Variants in SOX6 observed in about 807,000 individuals in gnomAD.
SOX6 encodes the protein transcription factor SOX-6.
A neutral mutation model predicts 97.8 loss-of-function variants in SOX6; 11 were observed. The ratio of observed to expected loss-of-function variants is 0.11; its 90% confidence interval spans 0.07 to 0.19. The LOEUF (loss-of-function observed/expected upper bound fraction) is 0.19, where lower values mean the gene tolerates loss of function less well. SOX6 is among the 10% of genes least tolerant of loss of function. The pLI, the probability that SOX6 is intolerant of heterozygous loss-of-function variation, is 1.00. For missense variants in SOX6, 810 were observed against 1,039.5 expected (o/e 0.78, Z 3.04); for synonymous variants, 360 against 371.4 (o/e 0.97, Z 0.35).
chr11:16,302,993 G>C lies in SOX6; in HGVS notation c.445+15453C>G, dbSNP rs566426395. Among the ~76,000 whole-genome samples the C allele has an allele frequency of 2.0e-5, 3 of 152,110 alleles. No homozygotes were observed. The East Asian group carries it at 5.8e-4, about 29-fold the overall frequency. On this transcript the variant is annotated intron_variant, in intron 3 of 15. Coordinates refer to ENST00000683767, the MANE Select transcript of SOX6 (RefSeq NM_001367873.1). ...CTACTAAAAAACAATATTTATCTCTGTTCATCTTCTTCTACCCTTTTCTCC... is the reference window on the plus strand; with the variant it reads ...CTACTAAAAAACAATATTTATCTCTCTTCATCTTCTTCTACCCTTTTCTCC...
chr11:16,379,770 T>C (rs1044326756), intron 1 of SOX6, among the ~76,000 whole-genome samples: 2 of 152,090 alleles, frequency 1.3e-5, no homozygotes, highest in Non-Finnish European at 2.9e-5. Context: ...ATTACAGATG[T>C]GTGCAAAGAT....
chr11:15,982,231 C>T (rs566509082), intron 15 of SOX6, among the ~76,000 whole-genome samples: 1 of 152,116 alleles, frequency 6.6e-6, no homozygotes, highest in Admixed American at 6.6e-5. Flanking sequence ...TACATCTCAG[C>T]TCGGCCATTT....
intron 2 of SOX6, among the ~76,000 whole-genome samples, chr11:16,733,425 CA>C (rs1271227949): frequency 1.3e-5 from 2 of 152,054 alleles, no homozygotes; most frequent in African/African-American, 4.8e-5. Flanking sequence ...AGGTCCTTTG[CA>C]GGGACATGGA....
intron 9 of SOX6, among the ~76,000 whole-genome samples, chr11:16,082,732 T>C (rs1042251307): frequency 6.6e-6 from 1 of 152,150 alleles, no homozygotes; most frequent in African/African-American, 2.4e-5. Context: ...AGAGATCAAA[T>C]TAAGAGGAAT....
chr11:16,611,478 A>C (rs1210001656), intron 4 of SOX6, among the ~76,000 whole-genome samples: 1 of 152,238 alleles, frequency 6.6e-6, no homozygotes. Flanking sequence ...TAAATGAGAG[A>C]GTGTAAAAGC....
intron 4 of SOX6, among the ~76,000 whole-genome samples, chr11:16,212,697 C>T: frequency 2.6e-5 from 4 of 152,264 alleles, no homozygotes; most frequent in Middle Eastern, 6.8e-3. Flanking sequence ...TAAACTTAGA[C>T]CCTCACAAGT....
In SOX6 at chr11:16,133,977, G is replaced by A. The variant is rs191504996; in HGVS notation, c.778-22054C>T. Among the ~76,000 whole-genome samples, 18 of 152,170 alleles carry A rather than the reference G, an allele frequency of 1.2e-4. No individual in the cohort carries two copies. The East Asian group carries it at 2.3e-3, about 20-fold the overall frequency. On this transcript the variant is annotated intron_variant, in intron 6 of 15. Coordinates refer to ENST00000683767, the MANE Select transcript of SOX6 (RefSeq NM_001367873.1). ...TGGAATTACAGGCGTGAGCCACCACGCCCAACTATTATACAGTTTTAAGCC... is the reference window on the plus strand; with the variant it reads ...TGGAATTACAGGCGTGAGCCACCACACCCAACTATTATACAGTTTTAAGCC...
intron 3 of SOX6, among the ~76,000 whole-genome samples, chr11:16,253,069 TG>T (rs1853565144): frequency 2.0e-5 from 3 of 152,072 alleles, no homozygotes; most frequent in African/African-American, 7.2e-5. Flanking sequence ...CTGGACAGGC[TG>T]GGCACGGTGG....
intron 1 of SOX6, among the ~76,000 whole-genome samples, chr11:16,411,683 G>T (rs1437912785): frequency 1.3e-5 from 2 of 152,056 alleles, no homozygotes; most frequent in African/African-American, 4.8e-5. Flanking sequence ...AAAAGAGCAA[G>T]AAATATAAAT....
chr11:16,562,546 C>G (rs1847827576), intron 4 of SOX6, among the ~76,000 whole-genome samples: 1 of 152,110 alleles, frequency 6.6e-6, no homozygotes, highest in Non-Finnish European at 1.5e-5. Flanking sequence ...CCACCCTGAC[C>G]CACTCAAACC....
chr11:15,999,506 TA>T (rs1220421324), intron 13 of SOX6, among the ~76,000 whole-genome samples: 1 of 152,122 alleles, frequency 6.6e-6, no homozygotes, highest in Non-Finnish European at 1.5e-5. Flanking sequence ...AAAACTATTG[TA>T]ACTCTTAGTT....
intron 6 of SOX6, among the ~76,000 whole-genome samples, chr11:16,162,268 A>T (rs115877764): frequency 1.9e-3 from 290 of 152,338 alleles, no homozygotes; most frequent in African/African-American, 6.8e-3. Flanking sequence ...TATTTCTTTG[A>T]AGACCTTTAA....
chr11:16,367,073 T>A (rs530948166), intron 1 of SOX6, among the ~76,000 whole-genome samples: 62 of 152,310 alleles, frequency 4.1e-4, no homozygotes, highest in African/African-American at 1.5e-3. Context: ...TATTCAAGTG[T>A]AATGGGTAGA....
chr11:16,415,923 T>A (rs1429029123), intron 1 of SOX6, among the ~76,000 whole-genome samples: 1 of 152,204 alleles, frequency 6.6e-6, no homozygotes, highest in Non-Finnish European at 1.5e-5. Context: ...GATTTGGGAT[T>A]CTAGATAGTC....
At chr11:16,119,062 G>A (rs1849425109) in intron 6 of SOX6, among the ~76,000 whole-genome samples, 1 of 152,038 alleles carries the variant, frequency 6.6e-6, no homozygotes, top group Non-Finnish European at 1.5e-5. Context: ...ACAGGGGATG[G>A]GGATCAGTTT....
At chr11:16,487,397 T>A (rs970644510) in intron 4 of SOX6, among the ~76,000 whole-genome samples, 14 of 152,308 alleles carry the variant, frequency 9.2e-5, no homozygotes, top group African/African-American at 3.4e-4. Flanking sequence ...CAACAAAGCA[T>A]AATCCCAGAC....
In SOX6 at chr11:16,331,062, A is replaced by G. The variant is rs749966239; in HGVS notation, c.237+9950T>C. ...ACATTTCTATGCCTGGAGAGTCTCAAATGATTCCATAGAGCTCCTCTTAAG... is the reference window on the plus strand; with the variant it reads ...ACATTTCTATGCCTGGAGAGTCTCAGATGATTCCATAGAGCTCCTCTTAAG... On this transcript the variant is annotated intron_variant, in intron 2 of 15. Transcript: ENST00000683767. 7.9e-5 allele frequency among the ~76,000 whole-genome samples: 12 copies of G among 152,280 alleles called. No homozygotes were observed. In the East Asian group the frequency reaches 1.5e-3, roughly 20 times the overall value.
chr11:16,452,278 G>T (rs1329982445), intron 1 of SOX6, among the ~76,000 whole-genome samples: 3 of 152,176 alleles, frequency 2.0e-5, no homozygotes, highest in Non-Finnish European at 4.4e-5. Context: ...TCACATATGA[G>T]TTGGGCTTAG....
intron 4 of SOX6, among the ~76,000 whole-genome samples, chr11:16,576,548 G>T (rs929632273): frequency 2.0e-5 from 3 of 152,102 alleles, no homozygotes; most frequent in Non-Finnish European, 2.9e-5. Flanking sequence ...ATCATAAAAT[G>T]ATGTTTAACA....
Sources: allele counts gnomAD v4.1 joint callset (sites outside exome capture counted in the v4.1 genomes callset), GRCh38; gene constraint gnomAD v4.1.1; transcripts MANE v1.5; gene names NCBI Gene and HGNC (gene_info 2026-07-23, HGNC 2026-07-21).